PRR5: variants seen among roughly 807,000 people sequenced by gnomAD.
PRR5 encodes proline rich 5.
In PRR5, 25 loss-of-function variants were observed where a neutral mutation model predicts 30.6. The ratio of observed to expected loss-of-function variants is 0.82; its 90% CI spans 0.60 to 1.14. PRR5 has a LOEUF of 1.14. Ranked by LOEUF, PRR5 falls within the 50% of genes most tolerant of loss-of-function variation. The probability of loss-of-function intolerance (pLI) is 0.00; values close to 1 mark genes in which losing one functional copy is unlikely to be tolerated. For synonymous variants in PRR5, 286 were observed against 247.1 expected, an observed-to-expected ratio of 1.16 and a Z score of -1.48; for missense variants, 600 against 547.1, an observed-to-expected ratio of 1.10 and a Z score of -0.96.
chr22:44,737,477 C>A lies in PRR5; in HGVS notation c.*230C>A. ...TCTGAGTCGGCGTTTACCCAGGGGCCGGGCCAGAGACGGGGGTCGGCCGCT... is the reference window on the plus strand; with the variant it reads ...TCTGAGTCGGCGTTTACCCAGGGGCAGGGCCAGAGACGGGGGTCGGCCGCT... On this transcript the variant is annotated 3_prime_UTR_variant, in exon 8 of 8. Coordinates refer to ENST00000336985, the MANE Select transcript of PRR5 (RefSeq NM_181333.4). The A allele has an allele frequency of 1.1e-6, 1 of 897,238 alleles. No homozygotes were observed. Among genetic ancestry groups the A allele is most frequent in the Non-Finnish European group, 1.6e-6 (1 of 635,204 alleles). 55.6% of individuals were successfully genotyped at this position (897,238 alleles called of 1,614,324 possible). A position where few individuals can be genotyped will look rare whatever the true frequency, so the allele number is the denominator to read the frequency against.
upstream of PRR5, among the ~76,000 whole-genome samples, chr22:44,698,358 G>A (rs1013633747): frequency 2.6e-5 from 4 of 151,406 alleles, no homozygotes; most frequent in African/African-American, 9.7e-5. Flanking sequence ...GTGTGAATGA[G>A]TCTGGAGCAG....
intron 1 of PRR5, among the ~76,000 whole-genome samples, chr22:44,693,849 A>T (rs1293244473): frequency 3.4e-5 from 4 of 118,728 alleles, no homozygotes; most frequent in African/African-American, 6.6e-5. Flanking sequence ...TCACCGTGTT[A>T]GCCAGTATGG....
chr22:44,724,599 C>T (rs926827615), intron 2 of PRR5, among the ~76,000 whole-genome samples: 11 of 152,166 alleles, frequency 7.2e-5, no homozygotes, highest in Admixed American at 2.0e-4. Flanking sequence ...TGCTCCCATT[C>T]TCTCAGGCCC....
chr22:44,696,492 G>T (rs1268063699), intron 1 of PRR5, among the ~76,000 whole-genome samples: 1 of 152,154 alleles, frequency 6.6e-6, no homozygotes, highest in Non-Finnish European at 1.5e-5. Flanking sequence ...GTGACGTCTG[G>T]TGTATTAAGA....
intron 2 of PRR5, among the ~76,000 whole-genome samples, chr22:44,719,965 C>T (rs915340854): frequency 2.6e-5 from 4 of 152,338 alleles, no homozygotes; most frequent in African/African-American, 9.6e-5. Flanking sequence ...CCCAGGTATA[C>T]CCAGGCTGTC....
At chr22:44,675,784 TTATTATTATTATTAC>T (rs1025051415), upstream of PRR5, among the ~76,000 whole-genome samples, 2 of 148,424 alleles carry the variant, frequency 1.3e-5, no homozygotes, top group East Asian at 2.0e-4. Flanking sequence ...ATTATTATTA[TTATTATTATTATTAC>T]TTAGGTCACA....
At chr22:44,735,267 C>A in intron 7 of PRR5, 105 bp downstream of exon 7, 1 of 1,382,804 alleles carries the variant, frequency 7.2e-7, no homozygotes, top group Non-Finnish European at 9.7e-7. Flanking sequence ...CAGGATCTGA[C>A]TCCAGACTGG....
chr22:44,732,501 A>G (rs752685030), intron 6 of PRR5, 110 bp downstream of exon 6: 1 of 1,447,412 alleles, frequency 6.9e-7, no homozygotes, highest in Non-Finnish European at 9.2e-7. Flanking sequence ...AGACTTAAGG[A>G]AGGGCCCGAT....
intron 1 of PRR5, among the ~76,000 whole-genome samples, chr22:44,710,626 AGC>A (rs78463623): frequency 0.066 from 9,975 of 152,152 alleles, 489 homozygotes; most frequent in Admixed American, 0.16. Flanking sequence ...AGTGGCCCGC[AGC>A]GAGGCTTTCT....
chr22:44,671,826 T>G (rs1923444653), intron 1 of PRR5, among the ~76,000 whole-genome samples: 1 of 152,234 alleles, frequency 6.6e-6, no homozygotes, highest in Non-Finnish European at 1.5e-5. Context: ...AAATAGTGAT[T>G]CCTGCCGCAC....
intron 1 of PRR5, among the ~76,000 whole-genome samples, chr22:44,693,795 ATTT>A (rs61604082): frequency 1.3e-4 from 10 of 79,622 alleles, no homozygotes; most frequent in East Asian, 3.9e-4. Flanking sequence ...ACACTCGGCT[ATTT>A]TTTTTTTTTT....
chr22:44,737,380 G>A lies in PRR5; in HGVS notation c.*133G>A. On this transcript the variant is annotated 3_prime_UTR_variant, in exon 8 of 8. Coordinates refer to ENST00000336985, the MANE Select transcript of PRR5 (RefSeq NM_181333.4). ...CCTATCGGCCTCGTCACTGGCCTTGGTCACTTTGTATTTCTGTCTTGGTTG... is the reference window on the plus strand; with the variant it reads ...CCTATCGGCCTCGTCACTGGCCTTGATCACTTTGTATTTCTGTCTTGGTTG... The A allele has an allele frequency of 3.5e-6, 5 of 1,409,326 alleles. No individual in the cohort carries two copies. Among genetic ancestry groups the A allele is most frequent in the Non-Finnish European group, 4.6e-6 (5 of 1,075,954 alleles). The allele number at this position is 1,409,326 out of a possible 1,614,324, so 87.3% of individuals were successfully genotyped here. A position where few individuals can be genotyped will look rare whatever the true frequency, so the allele number is the denominator to read the frequency against.
chr22:44,687,449 C>T (rs1045294898), intron 1 of PRR5, among the ~76,000 whole-genome samples: 2 of 152,206 alleles, frequency 1.3e-5, no homozygotes, highest in Admixed American at 6.5e-5. Context: ...TAAATACAAA[C>T]CTAATCCCAG....
chr22:44,680,511 G>A (rs1429055308), intron 1 of PRR5, among the ~76,000 whole-genome samples: 2 of 152,162 alleles, frequency 1.3e-5, no homozygotes, highest in African/African-American at 4.8e-5. Flanking sequence ...GCGAGGAGGT[G>A]GGCATCCCAG....
chr22:44,714,252 G>T (rs564506525), intron 1 of PRR5, among the ~76,000 whole-genome samples: 20 of 152,214 alleles, frequency 1.3e-4, no homozygotes, highest in Non-Finnish European at 2.8e-4. Flanking sequence ...GTGTTGGGGG[G>T]TGGGAGAGGC....
At chr22:44,732,450 G>A in intron 6 of PRR5, 59 bp downstream of exon 6, 7 of 1,567,214 alleles carry the variant, frequency 4.5e-6, no homozygotes, top group Non-Finnish European at 6.0e-6. Context: ...TTGGGCTCAG[G>A]TCCCCACAGG....
At chr22:44,699,808 G>T (rs1036803455), upstream of PRR5, among the ~76,000 whole-genome samples, 1 of 152,216 alleles carries the variant, frequency 6.6e-6, no homozygotes, top group Non-Finnish European at 1.5e-5. Context: ...GCAGCTGGAG[G>T]GCAAGCAGGT....
intron 1 of PRR5, among the ~76,000 whole-genome samples, chr22:44,683,488 G>T (rs558790044): frequency 2.6e-5 from 4 of 152,244 alleles, no homozygotes; most frequent in Admixed American, 2.6e-4. Context: ...AGAAACTGCC[G>T]AGAAGATCTG....
chr22:44,705,693 C>G (rs1217638613), intron 1 of PRR5, among the ~76,000 whole-genome samples: 1 of 152,104 alleles, frequency 6.6e-6, no homozygotes, highest in Admixed American at 6.6e-5. Flanking sequence ...GGTGCAATCT[C>G]AGCTCACTGC....
Sources: allele counts gnomAD v4.1 joint callset (sites outside exome capture counted in the v4.1 genomes callset), GRCh38; gene constraint gnomAD v4.1.1; transcripts MANE v1.5; gene names NCBI Gene and HGNC (gene_info 2026-07-23, HGNC 2026-07-21).